The following ALOX5 variants were observed in gnomAD, a reference collection of about 807,000 sequenced individuals.
ALOX5 encodes arachidonate 5-lipoxygenase, also known as polyunsaturated fatty acid 5-lipoxygenase.
In ALOX5, 64 loss-of-function variants were observed where a neutral mutation model predicts 87.9. The ratio of observed to expected loss-of-function variants is 0.73; its 90% CI spans 0.60 to 0.90. ALOX5 has a LOEUF of 0.90. Among genes scored for constraint, ALOX5 ranks in the 40% least tolerant of loss-of-function variants. The probability of loss-of-function intolerance (pLI) is 0.00; values close to 1 mark genes in which losing one functional copy is unlikely to be tolerated. For synonymous variants in ALOX5, 388 were observed against 355.1 expected (o/e 1.09, Z -1.04); for missense variants, 822 against 907.5 (o/e 0.91, Z 1.21).
intron 3 of ALOX5, 42 bp from the exon 4 acceptor site, chr10:45,412,149 G>T (rs753356554): frequency 3.1e-6 from 5 of 1,613,214 alleles, no homozygotes; most frequent in Non-Finnish European, 2.5e-6. Context: ...GCAGACCAAA[G>T]GCTGGCATTT....
chr10:45,445,424 G>A (rs1195339516), intron 13 of ALOX5, 84 bp from the exon 14 acceptor site: 35 of 1,490,382 alleles, frequency 2.3e-5, no homozygotes, highest in Non-Finnish European at 3.2e-5. Context: ...CCAAACGGTG[G>A]CTGGCCCCTT....
chr10:45,389,940 A>T (rs1376811203), intron 2 of ALOX5, among the ~76,000 whole-genome samples: 1 of 152,254 alleles, frequency 6.6e-6, no homozygotes, highest in East Asian at 1.9e-4. Context: ...TGCTGTATTC[A>T]GGAAACCCAT....
intron 4 of ALOX5, among the ~76,000 whole-genome samples, chr10:45,416,057 G>A (rs1841279431): frequency 6.6e-6 from 1 of 152,150 alleles, no homozygotes; most frequent in South Asian, 2.1e-4. Context: ...CTTTGAGTCT[G>A]CACACCCAGC....
chr10:45,440,446 G>A lies in ALOX5; in HGVS notation c.998G>A (p.Gly333Glu), dbSNP rs1842192231. 6.2e-7 allele frequency: 1 copy of A among 1,614,188 alleles called. No individual in the cohort carries two copies. The change falls in exon 8 of 14, where the codon GGA (glycine) becomes GAA (glutamate). Residue 333 changes from glycine (G) to glutamate (E), a missense_variant. By Grantham distance (98) the Gly-to-Glu change is moderately conservative. Transcript: ENST00000374391. Reference protein sequence around the residue: ...PIAIQLNQIPGDENPIFLPSD... With the variant: ...PIAIQLNQIPEDENPIFLPSD... The stretch of plus-strand genomic sequence containing the variant: ...ATGTATCAGCTCAACCAAATCCCGG[G>A]AGATGAGAACCCTATTTTCCTCCCT...
At position 45,412,305 on chromosome 10, in the gene ALOX5, C is replaced by T. The variant is rs756787338; in HGVS notation, c.546C>T (p.Tyr182=). 4 of 1,614,056 alleles carry T rather than the reference C, an allele frequency of 2.5e-6. No homozygotes were observed. The South Asian group carries it at 3.3e-5, about 13-fold the overall frequency. ...AAGGAGTGGACTTTGTTCTGAATTA[C>T]TCCAAAGCGTAAGTTTACGAGAACT... ...SEKGVDFVLN[Y]SKAMENLFIN... The change falls in exon 4 of 14, where the codon TAC becomes TAT. Residue 182 remains tyrosine (Y), a synonymous_variant. Transcript: ENST00000374391.
At chr10:45,445,468 G>C in intron 13 of ALOX5, 40 bp from the exon 14 acceptor site, 1 of 1,589,222 alleles carries the variant, frequency 6.3e-7, no homozygotes, top group Non-Finnish European at 8.6e-7. Flanking sequence ...TACACGGGTA[G>C]TGGATTGACC....
intron 1 of ALOX5, among the ~76,000 whole-genome samples, chr10:45,377,014 T>C (rs1226342726): frequency 6.6e-6 from 1 of 152,236 alleles, no homozygotes; most frequent in African/African-American, 2.4e-5. Context: ...TCGGATACGA[T>C]AACTGTAACA....
At position 45,425,662 on chromosome 10, in the gene ALOX5, T is replaced by G. The variant is rs1841678700; in HGVS notation, c.834+530T>G. On this transcript the variant is annotated intron_variant, in intron 6 of 13. Transcript: ENST00000374391. This position sits in a 1 kb window ranked among gnomAD's most constrained non-coding sequence, Gnocchi z 4.4. The stretch of plus-strand genomic sequence containing the variant: ...ACCCTCACCTGCAGACTCAGCTGCC[T>G]CCGGCTGCAAGGCTGACCTAGTCTT... Among the ~76,000 whole-genome samples the G allele has an allele frequency of 6.6e-6, 1 of 152,176 alleles. No individual in the cohort carries two copies. Among genetic ancestry groups the G allele is most frequent in the Non-Finnish European group, 1.5e-5 (1 of 68,018 alleles).
Position 45,445,801 on chromosome 10 carries a change from C to A in ALOX5, c.*114C>A. On this transcript the variant is annotated 3_prime_UTR_variant, in exon 14 of 14. Transcript: ENST00000374391. ...GGCAGTCACATCTCTTCCTCCGAGG[C>A]CAGTACCTTTCCATTTATTCTTTGA... The A allele has an allele frequency of 8.7e-7, 1 of 1,153,174 alleles. No homozygotes were observed. The highest frequency in any genetic ancestry group is 1.2e-6 in the Non-Finnish European group (1 of 807,260). The allele number at this position is 1,153,174 out of a possible 1,614,324, so 71.4% of individuals were successfully genotyped here. A position where few individuals can be genotyped will look rare whatever the true frequency, so the allele number is the denominator to read the frequency against.
chr10:45,376,265 G>A (rs1159902141), intron 1 of ALOX5, among the ~76,000 whole-genome samples: 2 of 130,912 alleles, frequency 1.5e-5, no homozygotes, highest in African/African-American at 5.7e-5. Context: ...AATCCCAGGG[G>A]CAAATTTCAG....
At chr10:45,417,080 A>G (rs550000640) in intron 4 of ALOX5, among the ~76,000 whole-genome samples, 1 of 152,248 alleles carries the variant, frequency 6.6e-6, no homozygotes, top group African/African-American at 2.4e-5. Flanking sequence ...GTCACAGAAT[A>G]GGTGCTCATT....
chr10:45,398,395 C>A (rs1332092844), intron 3 of ALOX5, among the ~76,000 whole-genome samples: 1 of 152,150 alleles, frequency 6.6e-6, no homozygotes. Context: ...CTATAAAACT[C>A]TTTTAAGAAA....
At chr10:45,414,266 C>T (rs1841183053) in intron 4 of ALOX5, among the ~76,000 whole-genome samples, 1 of 151,812 alleles carries the variant, frequency 6.6e-6, no homozygotes, top group African/African-American at 2.4e-5. Context: ...CAGAACAGAG[C>T]CCTCAGAAAT....
chr10:45,391,813 GC>G (rs1840277265), intron 2 of ALOX5, among the ~76,000 whole-genome samples: 1 of 151,222 alleles, frequency 6.6e-6, no homozygotes, highest in Non-Finnish European at 1.5e-5. Flanking sequence ...GAGACCCTCC[GC>G]CCGGCAGCCG....
At chr10:45,419,315 A>G (rs1297906350) in intron 4 of ALOX5, among the ~76,000 whole-genome samples, 3 of 152,124 alleles carry the variant, frequency 2.0e-5, no homozygotes, top group Non-Finnish European at 4.4e-5. Flanking sequence ...CGGGGGGGTC[A>G]TTTACAAGGG....
At chr10:45,405,344 A>C (rs1840839005) in intron 3 of ALOX5, among the ~76,000 whole-genome samples, 1 of 152,180 alleles carries the variant, frequency 6.6e-6, no homozygotes, top group East Asian at 1.9e-4. Context: ...GTACCCGATG[A>C]CCTTGTTTGA....
At chr10:45,414,343 T>C (rs1841187000) in intron 4 of ALOX5, among the ~76,000 whole-genome samples, 1 of 152,190 alleles carries the variant, frequency 6.6e-6, no homozygotes, top group Non-Finnish European at 1.5e-5. Flanking sequence ...GGGGAAAGGA[T>C]TCCCTATTTA....
In ALOX5 at chr10:45,441,416, G is replaced by A. The variant is rs768167148; in HGVS notation, c.1258G>A (p.Gly420Ser). The A allele has an allele frequency of 1.2e-6, 2 of 1,613,398 alleles. No individual in the cohort carries two copies. Among genetic ancestry groups the A allele is most frequent in the Non-Finnish European group, 1.7e-6 (2 of 1,179,496 alleles). Residue 420 changes from glycine to serine, a missense_variant, in exon 9 of 14, where the codon GGC (glycine) becomes AGC (serine). By Grantham distance (56) the Gly-to-Ser change is moderately conservative (BLOSUM62 0). Coordinates refer to ENST00000374391, the MANE Select transcript of ALOX5 (RefSeq NM_000698.5). Reference sequence around the variant, plus strand: ...CCGTGAGCAGCTCATCTGCGAGTGTGGCCTCTTTGACAAGGTGGGTGCCCT... The same window carrying A: ...CCGTGAGCAGCTCATCTGCGAGTGTAGCCTCTTTGACAAGGTGGGTGCCCT... ...KAREQLICEC[G>S]LFDKANATGG...
chr10:45,413,314 G>A (rs144956226), intron 4 of ALOX5, among the ~76,000 whole-genome samples: 2,789 of 152,224 alleles, frequency 0.018, 79 homozygotes, highest in African/African-American at 0.064. Context: ...ATGTAATCTA[G>A]CATATAAACA....
Sources: gnomAD v4.1 joint callset for allele counts (sites outside exome capture counted in the v4.1 genomes callset) on GRCh38, gnomAD v4.1.1 for gene constraint, Gnocchi (gnomAD v3.1) non-coding constraint, MANE v1.5 for transcripts, NCBI Gene and HGNC (gene_info 2026-07-23, HGNC 2026-07-21) for gene names.